Variants in MTRF1 observed in about 807,000 individuals in gnomAD.
MTRF1 encodes mitochondrial translation release factor 1, also known as peptide chain release factor 1, mitochondrial.
MTRF1 carries 51 observed loss-of-function variants against 62.9 expected under a neutral mutation model. That is an observed-to-expected ratio of 0.81 (90% CI 0.65 to 1.02). MTRF1 has a LOEUF of 1.02. Ranked by LOEUF, MTRF1 falls within the 50% of genes least tolerant of loss-of-function variation. The pLI is 0.00. For missense variants in MTRF1, 446 were observed against 530.0 expected, an observed-to-expected ratio of 0.84 and a Z score of 1.56; for synonymous variants, 158 against 181.9, an observed-to-expected ratio of 0.87 and a Z score of 1.06.
chr13:41,303,648 G>A, the MTRF1 span, among the ~76,000 whole-genome samples: 3 of 152,092 alleles, frequency 2.0e-5, no homozygotes, highest in Admixed American at 2.0e-4. Context: ...CTTGAGTGAG[G>A]GCTAAGAAAA....
At chr13:41,304,545 A>G in the MTRF1 span, among the ~76,000 whole-genome samples, 1 of 152,248 alleles carries the variant, frequency 6.6e-6, no homozygotes, top group Non-Finnish European at 1.5e-5. Flanking sequence ...GAAGAAAGAA[A>G]CTATTCCAAT....
At position 41,240,312 on chromosome 13, in the gene MTRF1, C is replaced by G; in HGVS notation, c.819G>C (p.Gln273His). 1 of 1,613,254 alleles carries G rather than the reference C, an allele frequency of 6.2e-7. No individual in the cohort carries two copies. The highest frequency in any genetic ancestry group is 8.5e-7 in the Non-Finnish European group (1 of 1,179,606). The change falls in exon 6 of 10, where the codon CAG (glutamine) becomes CAC (histidine). Residue 273 changes from glutamine (Q) to histidine (H), a missense_variant. Physicochemically the swap from Gln to His is conservative, Grantham distance 24. Coordinates refer to ENST00000379480, the MANE Select transcript of MTRF1 (RefSeq NM_004294.4). ...IPEVGLSSRM[Q>H]RIHTGTMSVI... ...CCGACATCGTTCCTGTGTGAATGCG[C>G]TGCATCCTTGAGGACAGGCCCACCT...
At chr13:41,298,825 C>T in the MTRF1 span, among the ~76,000 whole-genome samples, 1 of 152,100 alleles carries the variant, frequency 6.6e-6, no homozygotes, top group African/African-American at 2.4e-5. Context: ...GGAGCCAGAA[C>T]AGCGGAAGAA....
Position 41,216,844 on chromosome 13 carries a change from C to T in MTRF1, c.*271G>A, listed in dbSNP as rs2031998019. ...ATATAAAGAGAACAAGTGACTTGTC[C>T]TAAATGACACAATCAATTCTCAATA... On this transcript the variant is annotated 3_prime_UTR_variant, in exon 10 of 10. Transcript: ENST00000379480. 1 of 210,036 alleles carries T rather than the reference C, an allele frequency of 4.8e-6. No homozygotes were observed. The highest frequency in any genetic ancestry group is 1.1e-4 in the East Asian group (1 of 9,280). 13.0% of individuals were successfully genotyped at this position (210,036 alleles called of 1,614,324 possible).
At chr13:41,245,626 T>TAA (rs2038144032) in intron 5 of MTRF1, among the ~76,000 whole-genome samples, 1 of 152,226 alleles carries the variant, frequency 6.6e-6, no homozygotes, top group Non-Finnish European at 1.5e-5. Context: ...TTTCATTGTC[T>TAA]GTAGGGATCT....
intron 2 of MTRF1, among the ~76,000 whole-genome samples, chr13:41,254,955 C>T (rs1257351180): frequency 6.6e-6 from 1 of 151,904 alleles, no homozygotes; most frequent in African/African-American, 2.4e-5. Flanking sequence ...ATTTACAAAG[C>T]TCGTTATTTG....
the MTRF1 span, among the ~76,000 whole-genome samples, chr13:41,285,901 T>C: frequency 6.6e-6 from 1 of 151,614 alleles, no homozygotes; most frequent in African/African-American, 2.4e-5. Context: ...CCGTCTCTAC[T>C]AAAAATACAA....
At chr13:41,260,123 A>G (rs112769112) in intron 2 of MTRF1, among the ~76,000 whole-genome samples, 324 of 152,290 alleles carry the variant, frequency 2.1e-3, no homozygotes, top group African/African-American at 7.4e-3. Context: ...CTGGGTACAG[A>G]GTCCTGTTCT....
chr13:41,263,079 A>C (rs546211851), intron 1 of MTRF1, among the ~76,000 whole-genome samples: 1 of 152,330 alleles, frequency 6.6e-6, no homozygotes, highest in Non-Finnish European at 1.5e-5. Flanking sequence ...CCCGTATTTC[A>C]AGCACGTTAG....
chr13:41,263,753 C>T (rs2040725935), upstream of MTRF1, among the ~76,000 whole-genome samples: 2 of 151,920 alleles, frequency 1.3e-5, no homozygotes, highest in African/African-American at 4.8e-5. Flanking sequence ...GACAACCGCC[C>T]CCGCGCCGTC....
At chr13:41,220,976 G>A (rs187920830) in intron 9 of MTRF1, among the ~76,000 whole-genome samples, 29 of 152,298 alleles carry the variant, frequency 1.9e-4, no homozygotes, top group African/African-American at 6.3e-4. Flanking sequence ...GTCAGAAACT[G>A]TGGATGTGGT....
In MTRF1 at chr13:41,223,246, G is replaced by C. The variant is rs2033764893; in HGVS notation, c.1224+10C>G. On this transcript the variant is annotated intron_variant, in intron 9 of 9. Transcript: ENST00000379480. ...ATCAAAGGTAGGCAAAGCATACTCA[G>C]TAGTATTACCTTAATATCACGAACT... 3 of 1,584,402 alleles carry C rather than the reference G, an allele frequency of 1.9e-6. No individual in the cohort carries two copies. The highest frequency in any genetic ancestry group is 2.6e-6 in the Non-Finnish European group (3 of 1,155,096).
At chr13:41,287,118 T>G in the MTRF1 span, among the ~76,000 whole-genome samples, 1 of 152,234 alleles carries the variant, frequency 6.6e-6, no homozygotes, top group Non-Finnish European at 1.5e-5. Flanking sequence ...TGTTAGGCCA[T>G]TCTTGCATTG....
At position 41,239,958 on chromosome 13, in the gene MTRF1, C is replaced by T. The variant is rs368531205; in HGVS notation, c.870+303G>A. 2.7e-3 allele frequency among the ~76,000 whole-genome samples: 405 copies of T among 152,124 alleles called. 2 individuals carry two copies. Among genetic ancestry groups the T allele is most frequent in the African/African-American group, 9.4e-3 (391 of 41,478 alleles). On this transcript the variant is annotated intron_variant, in intron 6 of 9. Transcript: ENST00000379480. ...GGCGGACTGCCCGAGGTCAGGAGTT[C>T]GAGACCAGTCTGGCCAACATGGTGA... is the stretch of plus-strand genomic sequence containing the variant.
chr13:41,263,425 G>C, intron 1 of MTRF1, 60 bp downstream of exon 1: 1 of 500,542 alleles, frequency 2.0e-6, no homozygotes, highest in Non-Finnish European at 3.5e-6. Context: ...TATATGGAGT[G>C]ATTCCATAAA....
the MTRF1 span, chr13:41,311,257 C>T: frequency 1.9e-6 from 1 of 532,168 alleles, no homozygotes; most frequent in Non-Finnish European, 3.3e-6. Flanking sequence ...CGGACCCTGG[C>T]TGCCATCTTG....
the MTRF1 span, among the ~76,000 whole-genome samples, chr13:41,272,950 C>A: frequency 6.6e-6 from 1 of 152,072 alleles, no homozygotes; most frequent in Non-Finnish European, 1.5e-5. Flanking sequence ...TGCTCCCAGA[C>A]CTCAGCAAAT....
upstream of MTRF1, among the ~76,000 whole-genome samples, chr13:41,267,870 A>AT (rs948988974): frequency 6.6e-6 from 1 of 151,830 alleles, no homozygotes; most frequent in African/African-American, 2.4e-5. Flanking sequence ...GTTGAAAAAA[A>AT]AAAATGGCGA....
the MTRF1 span, among the ~76,000 whole-genome samples, chr13:41,290,465 C>G: frequency 6.6e-6 from 1 of 151,130 alleles, no homozygotes; most frequent in African/African-American, 2.4e-5. Flanking sequence ...ACAATCTCGG[C>G]TCACTGCAAC....
Sources: allele counts gnomAD v4.1 joint callset (sites outside exome capture counted in the v4.1 genomes callset), GRCh38; gene constraint gnomAD v4.1.1; transcripts MANE v1.5; gene names NCBI Gene and HGNC (gene_info 2026-07-23, HGNC 2026-07-21).